MSH3: variants seen among roughly 807,000 people sequenced by gnomAD.
The protein encoded by MSH3 is DNA mismatch repair protein Msh3.
A neutral mutation model predicts 123.3 loss-of-function variants in MSH3; 106 were observed. The observed-to-expected ratio is 0.86, with a 90% CI of 0.73 to 1.01. The LOEUF is 1.01. MSH3 is among the 50% of genes least tolerant of loss of function. MSH3 has a pLI of 0.00. For synonymous variants in MSH3, 515 were observed against 481.4 expected, an observed-to-expected ratio of 1.07 and a Z score of -0.91; for missense variants, 1,459 against 1,347.6, an observed-to-expected ratio of 1.08 and a Z score of -1.29.
intron 20 of MSH3, among the ~76,000 whole-genome samples, chr5:80,827,436 A>G (rs1325924978): frequency 6.6e-6 from 1 of 152,216 alleles, no homozygotes; most frequent in Non-Finnish European, 1.5e-5. Context: ...TGTTTGCCCA[A>G]CTTAGTGTAA....
intron 12 of MSH3, among the ~76,000 whole-genome samples, chr5:80,747,268 A>G (rs979099968): frequency 6.6e-6 from 1 of 152,124 alleles, no homozygotes; most frequent in Non-Finnish European, 1.5e-5. Flanking sequence ...TTCATTTCCA[A>G]TGTTAAATTT....
chr5:80,744,071 T>C (rs1270898911), intron 11 of MSH3, among the ~76,000 whole-genome samples: 1 of 152,176 alleles, frequency 6.6e-6, no homozygotes, highest in Non-Finnish European at 1.5e-5. Context: ...CCTGGGTAAA[T>C]ACCTAGAGTG....
chr5:80,845,088 C>G (rs1379424237), intron 20 of MSH3, among the ~76,000 whole-genome samples: 2 of 152,180 alleles, frequency 1.3e-5, no homozygotes, highest in African/African-American at 4.8e-5. Context: ...TCTTGTAAGG[C>G]AGACCTGGTG....
intron 20 of MSH3, among the ~76,000 whole-genome samples, chr5:80,818,720 A>G (rs1745149908): frequency 6.6e-6 from 1 of 152,186 alleles, no homozygotes; most frequent in African/African-American, 2.4e-5. Flanking sequence ...ATGATTTGCT[A>G]CCCAAGATAT....
At chr5:80,800,911 G>C (rs1228129251) in intron 19 of MSH3, among the ~76,000 whole-genome samples, 1 of 152,212 alleles carries the variant, frequency 6.6e-6, no homozygotes. Flanking sequence ...ATGTGATAGA[G>C]AATCACAGAG....
At chr5:80,667,508 A>G (rs369168117) in intron 3 of MSH3, among the ~76,000 whole-genome samples, 2 of 152,158 alleles carry the variant, frequency 1.3e-5, no homozygotes, top group East Asian at 1.9e-4. Context: ...TCGGCCTGGC[A>G]GGCTGTGCTT....
chr5:80,856,963 C>T (rs138827821), intron 21 of MSH3, among the ~76,000 whole-genome samples: 12 of 152,198 alleles, frequency 7.9e-5, no homozygotes, highest in African/African-American at 1.7e-4. Context: ...GAAAGGATAT[C>T]GTTGCCTTGT....
chr5:80,756,732 C>T (rs1580022796), intron 12 of MSH3, among the ~76,000 whole-genome samples: 1 of 152,228 alleles, frequency 6.6e-6, no homozygotes, highest in East Asian at 1.9e-4. Context: ...ACTAGCAAAG[C>T]TCTGTTAACA....
intron 10 of MSH3, among the ~76,000 whole-genome samples, chr5:80,731,434 CAAAGCCA>C (rs1410212607): frequency 6.6e-6 from 1 of 151,970 alleles, no homozygotes; most frequent in Admixed American, 6.6e-5. Flanking sequence ...TCCATGGAGC[CAAAGCCA>C]AAAGACATAA....
chr5:80,698,799 T>G, intron 8 of MSH3, among the ~76,000 whole-genome samples: 3 of 136,528 alleles, frequency 2.2e-5, no homozygotes, highest in Admixed American at 7.4e-5. Context: ...CCGGGGGGCC[T>G]GTTGTGGGGT....
At chr5:80,819,141 A>C (rs1425376603) in intron 20 of MSH3, among the ~76,000 whole-genome samples, 1 of 152,022 alleles carries the variant, frequency 6.6e-6, no homozygotes, top group East Asian at 1.9e-4. Context: ...TATCAAAATC[A>C]TTAATTTATA....
intron 20 of MSH3, among the ~76,000 whole-genome samples, chr5:80,842,536 A>G (rs912130979): frequency 1.3e-5 from 2 of 152,168 alleles, no homozygotes; most frequent in Admixed American, 6.5e-5. Flanking sequence ...CTTCCTATCC[A>G]TGAGCATGGA....
At chr5:80,729,871 T>C (rs1743380346) in intron 10 of MSH3, among the ~76,000 whole-genome samples, 1 of 152,166 alleles carries the variant, frequency 6.6e-6, no homozygotes, top group South Asian at 2.1e-4. Context: ...TCCATTATAT[T>C]GATCCAGGGT....
chr5:80,671,927 T>G (rs1237204281), intron 4 of MSH3, among the ~76,000 whole-genome samples: 1 of 152,208 alleles, frequency 6.6e-6, no homozygotes, highest in Non-Finnish European at 1.5e-5. Flanking sequence ...TTTTACAGTC[T>G]CATGATCTCT....
intron 19 of MSH3, among the ~76,000 whole-genome samples, chr5:80,798,283 T>G (rs918418076): frequency 6.6e-6 from 1 of 152,172 alleles, no homozygotes; most frequent in African/African-American, 2.4e-5. Context: ...CTAGGGTGCT[T>G]CAGTCATTAG....
chr5:80,854,409 C>T, intron 21 of MSH3, 93 bp downstream of exon 21: 2 of 1,147,346 alleles, frequency 1.7e-6, no homozygotes, highest in Non-Finnish European at 2.6e-6. Context: ...TTATGGGGTA[C>T]AATGTGATGT....
chr5:80,769,618 C>G (rs1410939718), intron 15 of MSH3, among the ~76,000 whole-genome samples: 1 of 151,916 alleles, frequency 6.6e-6, no homozygotes, highest in Non-Finnish European at 1.5e-5. Context: ...CAGTCCTATT[C>G]TGGGTCTTGA....
intron 8 of MSH3, among the ~76,000 whole-genome samples, chr5:80,695,465 G>T (rs1257023631): frequency 2.0e-5 from 3 of 152,068 alleles, no homozygotes; most frequent in Admixed American, 6.6e-5. Context: ...CTCCCTAGTA[G>T]CTGGTATTAT....
chr5:80,743,562 C>CAACTCAAGTGGAAACA (rs1479695787), intron 11 of MSH3, among the ~76,000 whole-genome samples: 4 of 71,764 alleles, frequency 5.6e-5, no homozygotes, highest in South Asian at 8.3e-4. Context: ...TAAAAAAACC[C>CAACTCAAGTGGAAACA]GGCCGGGCGC....
Sources: allele counts gnomAD v4.1 joint callset (sites outside exome capture counted in the v4.1 genomes callset), GRCh38; gene constraint gnomAD v4.1.1; transcripts MANE v1.5; gene names NCBI Gene and HGNC (gene_info 2026-07-23, HGNC 2026-07-21).